Variants in DENND1A observed in about 807,000 individuals in gnomAD.
The protein encoded by DENND1A is DENN domain-containing protein 1A.
In DENND1A, 51 loss-of-function variants were observed where a neutral mutation model predicts 113.7. The observed-to-expected ratio is 0.45, with a 90% CI of 0.36 to 0.57. The LOEUF is 0.57. DENND1A is among the 20% of genes least tolerant of loss of function. The pLI, the probability that DENND1A is intolerant of heterozygous loss-of-function variation, is 0.00. For synonymous variants in DENND1A, 565 were observed against 570.8 expected (o/e 0.99, Z 0.14); for missense variants, 1,258 against 1,395.9 (o/e 0.90, Z 1.57).
chr9:123,536,516 C>T (rs2055789534), intron 13 of DENND1A, among the ~76,000 whole-genome samples: 1 of 151,520 alleles, frequency 6.6e-6, no homozygotes, highest in Admixed American at 6.6e-5. Flanking sequence ...TTGCAGAAAG[C>T]TCAGTGAGTC....
At chr9:123,903,089 T>A (rs1392449362) in intron 1 of DENND1A, among the ~76,000 whole-genome samples, 2 of 151,608 alleles carry the variant, frequency 1.3e-5, no homozygotes, top group Non-Finnish European at 1.5e-5. Flanking sequence ...TCCCAGCACT[T>A]TGGGAGGCCG....
intron 2 of DENND1A, among the ~76,000 whole-genome samples, chr9:123,808,749 A>C (rs1235304919): frequency 6.6e-6 from 1 of 152,154 alleles, no homozygotes; most frequent in Non-Finnish European, 1.5e-5. Flanking sequence ...TCCACTCATC[A>C]AAGTTCCTTA....
intron 5 of DENND1A, among the ~76,000 whole-genome samples, chr9:123,742,395 C>A (rs1036044926): frequency 2.0e-5 from 3 of 152,210 alleles, no homozygotes; most frequent in African/African-American, 7.2e-5. Flanking sequence ...CACTAACTAA[C>A]ATTTATTCCC....
chr9:123,565,842 A>G (rs1429590277), intron 12 of DENND1A, among the ~76,000 whole-genome samples: 1 of 152,260 alleles, frequency 6.6e-6, no homozygotes, highest in African/African-American at 2.4e-5. Flanking sequence ...TGTCAAAGCA[A>G]TAACACCCTA....
intron 4 of DENND1A, among the ~76,000 whole-genome samples, chr9:123,768,276 A>G (rs1829155220): frequency 6.6e-6 from 1 of 152,196 alleles, no homozygotes; most frequent in South Asian, 2.1e-4. Flanking sequence ...AGTGATTAGA[A>G]GTGGCTGGCA....
intron 13 of DENND1A, among the ~76,000 whole-genome samples, chr9:123,543,443 A>G (rs149946112): frequency 1.6e-4 from 24 of 152,306 alleles, no homozygotes; most frequent in Non-Finnish European, 3.4e-4. Flanking sequence ...AAATATATCA[A>G]TATCTTTGGG....
intron 7 of DENND1A, among the ~76,000 whole-genome samples, chr9:123,668,931 G>C (rs1447260014): frequency 6.6e-6 from 1 of 152,192 alleles, no homozygotes; most frequent in Non-Finnish European, 1.5e-5. Flanking sequence ...GTTTAGTTGA[G>C]TAACAAATGG....
intron 13 of DENND1A, among the ~76,000 whole-genome samples, chr9:123,524,979 G>A (rs2054698633): frequency 6.6e-6 from 1 of 152,220 alleles, no homozygotes; most frequent in Admixed American, 6.5e-5. Flanking sequence ...GGGAAGGACA[G>A]GGAGTAGATA....
intron 5 of DENND1A, among the ~76,000 whole-genome samples, chr9:123,746,202 G>A (rs543655025): frequency 6.6e-6 from 1 of 152,268 alleles, no homozygotes; most frequent in East Asian, 1.9e-4. Context: ...ACACAGGGTT[G>A]TGATCAAACA....
chr9:123,683,975 A>C (rs909797857), intron 5 of DENND1A, among the ~76,000 whole-genome samples: 1 of 152,182 alleles, frequency 6.6e-6, no homozygotes, highest in African/African-American at 2.4e-5. Context: ...GTTTTTAAAA[A>C]ACAATTCCTG....
chr9:123,524,461 G>A (rs1404599873), intron 13 of DENND1A, among the ~76,000 whole-genome samples: 4 of 152,324 alleles, frequency 2.6e-5, no homozygotes, highest in East Asian at 3.9e-4. Flanking sequence ...GAGTGAAGGC[G>A]GCAGGGTGTA....
chr9:123,576,391 A>G (rs2058637738), intron 12 of DENND1A, among the ~76,000 whole-genome samples: 1 of 152,166 alleles, frequency 6.6e-6, no homozygotes, highest in Admixed American at 6.5e-5. Flanking sequence ...ACTTCCTTAC[A>G]ATTCAGATTT....
rs541485748 is a variant in DENND1A at position 123,585,591 on chromosome 9, A to G, written c.766-2321T>C. 9.8e-4 allele frequency among the ~76,000 whole-genome samples: 150 copies of G among 152,316 alleles called. 1 individual carries two copies. The highest frequency in any genetic ancestry group is 3.4e-3 in the Middle Eastern group (1 of 294). On this transcript the variant is annotated intron_variant, in intron 11 of 23. Coordinates refer to ENST00000394215, the MANE Select transcript of DENND1A (RefSeq NM_001352964.2). Reference sequence around the variant, plus strand: ...TAGCTGGCTCACTCTGCAACCCAACAGGTTAAATGCCCAGCAGTGTGCTAG... The same window carrying G: ...TAGCTGGCTCACTCTGCAACCCAACGGGTTAAATGCCCAGCAGTGTGCTAG...
intron 20 of DENND1A, among the ~76,000 whole-genome samples, chr9:123,408,375 G>C (rs1371908933): frequency 6.6e-6 from 1 of 152,166 alleles, no homozygotes; most frequent in Non-Finnish European, 1.5e-5. Flanking sequence ...CTCCCAAATT[G>C]GCCTCTTAGT....
intron 2 of DENND1A, among the ~76,000 whole-genome samples, chr9:123,798,804 T>C (rs911187007): frequency 1.3e-5 from 2 of 152,020 alleles, no homozygotes; most frequent in Non-Finnish European, 2.9e-5. Flanking sequence ...TATCTTAGTT[T>C]TCAACTTTCA....
chr9:123,419,214 G>A (rs143713130), intron 19 of DENND1A, among the ~76,000 whole-genome samples: 1 of 152,364 alleles, frequency 6.6e-6, no homozygotes, highest in African/African-American at 2.4e-5. Context: ...GTGAGGGGAG[G>A]CCAAGAAGGT....
At chr9:123,788,869 T>C (rs1376824652) in intron 3 of DENND1A, among the ~76,000 whole-genome samples, 2 of 152,098 alleles carry the variant, frequency 1.3e-5, no homozygotes, top group Non-Finnish European at 2.9e-5. Context: ...GACTACGTCA[T>C]ATTACAGTTA....
chr9:123,800,389 T>A (rs1265352240), intron 2 of DENND1A, among the ~76,000 whole-genome samples: 1 of 152,218 alleles, frequency 6.6e-6, no homozygotes, highest in Non-Finnish European at 1.5e-5. Flanking sequence ...TTTATCCTAT[T>A]TCATCAAAAT....
intron 2 of DENND1A, among the ~76,000 whole-genome samples, chr9:123,806,404 CCGCCACTA>C (rs1421172675): frequency 6.6e-6 from 1 of 152,036 alleles, no homozygotes; most frequent in East Asian, 1.9e-4. Context: ...TTACAGGTGC[CCGCCACTA>C]CGCCCAGCTA....
Sources: gnomAD v4.1 joint callset for allele counts (sites outside exome capture counted in the v4.1 genomes callset) on GRCh38, gnomAD v4.1.1 for gene constraint, MANE v1.5 for transcripts, NCBI Gene and HGNC (gene_info 2026-07-23, HGNC 2026-07-21) for gene names.